The following CXCL17 variants were observed in gnomAD, a reference collection of about 807,000 sequenced individuals.
The protein encoded by CXCL17 is C-X-C motif chemokine 17.
CXCL17 carries 9 observed loss-of-function variants against 15.5 expected under a neutral mutation model. That is an observed-to-expected ratio of 0.58 (90% CI 0.35 to 1.01). CXCL17 has a LOEUF of 1.01. Ranked by LOEUF, CXCL17 falls within the 50% of genes least tolerant of loss-of-function variation. CXCL17 has a pLI of 0.02. For missense variants in CXCL17, 133 were observed against 138.2 expected (o/e 0.96, Z 0.19); for synonymous variants, 52 against 52.3 (o/e 0.99, Z 0.02).
At position 42,438,406 on chromosome 19, in the gene CXCL17, A is replaced by ACAC. The variant is rs1491327567; in HGVS notation, c.79+4347_79+4348insGTG. Reference sequence around the variant, plus strand: ...AATATATATATATATATATATATATAAAATACACACACACACACACACACA... The same window carrying ACAC: ...AATATATATATATATATATATATATACACAAATACACACACACACACACACACA... On this transcript the variant is annotated intron_variant, in intron 1 of 3. Coordinates refer to ENST00000601181, the MANE Select transcript of CXCL17 (RefSeq NM_198477.3). Among the ~76,000 whole-genome samples, 228 of 107,090 alleles carry ACAC rather than the reference A, an allele frequency of 2.1e-3. 3 individuals carry two copies. Among genetic ancestry groups the ACAC allele is most frequent in the African/African-American group, 0.01 (223 of 21,488 alleles). 70.3% of individuals were successfully genotyped at this position (107,090 alleles called of 152,430 possible).
chr19:42,437,198 A>G (rs1419197770), intron 1 of CXCL17, among the ~76,000 whole-genome samples: 2 of 152,138 alleles, frequency 1.3e-5, no homozygotes, highest in Non-Finnish European at 2.9e-5. Flanking sequence ...CGGCCTCCCA[A>G]AGCGTTGGGA....
rs778184132 is a variant in CXCL17 at position 42,442,722 on chromosome 19, C to T, written c.79+32G>A. 3.8e-5 allele frequency: 59 copies of T among 1,535,206 alleles called. No individual in the cohort carries two copies. In the South Asian group the frequency reaches 5.9e-4, roughly 15 times the overall value. On this transcript the variant is annotated intron_variant, in intron 1 of 3. Coordinates refer to ENST00000601181, the MANE Select transcript of CXCL17 (RefSeq NM_198477.3). Reference sequence around the variant, plus strand: ...GGCCTGTTTTGCCACATTTCTCCCCCCGTTTTCCCCTTCATAGACAGTCTT... The same window carrying T: ...GGCCTGTTTTGCCACATTTCTCCCCTCGTTTTCCCCTTCATAGACAGTCTT...
intron 3 of CXCL17, among the ~76,000 whole-genome samples, chr19:42,431,261 G>T (rs769623620): frequency 6.6e-6 from 1 of 152,294 alleles, no homozygotes; most frequent in Admixed American, 6.5e-5. Context: ...TTGCCCGTTT[G>T]TCTGTTGTAT....
chr19:42,438,381 A>AATATATATATATATATAT (rs1201763586), intron 1 of CXCL17, among the ~76,000 whole-genome samples: 16 of 63,836 alleles, frequency 2.5e-4, no homozygotes, highest in African/African-American at 1.1e-3. Context: ...AAAAAAAAAA[A>AATATATATATATATATAT]ATATATATAT....
chr19:42,437,583 T>C (rs940381748), intron 1 of CXCL17, among the ~76,000 whole-genome samples: 5 of 152,156 alleles, frequency 3.3e-5, no homozygotes, highest in African/African-American at 1.2e-4. Context: ...TGCAGAGTTG[T>C]TGGGAATAAG....
chr19:42,441,896 A>G (rs1277308592), intron 1 of CXCL17, among the ~76,000 whole-genome samples: 1 of 152,200 alleles, frequency 6.6e-6, no homozygotes, highest in African/African-American at 2.4e-5. Context: ...CTTGCTATGG[A>G]TAAAGCTTCA....
At chr19:42,441,130 G>C (rs1479390486) in intron 1 of CXCL17, among the ~76,000 whole-genome samples, 1 of 152,218 alleles carries the variant, frequency 6.6e-6, no homozygotes, top group Non-Finnish European at 1.5e-5. Flanking sequence ...GATAGCGTGA[G>C]GGATATGGAA....
chr19:42,433,390 A>C (rs754982324), intron 2 of CXCL17, among the ~76,000 whole-genome samples: 2 of 152,112 alleles, frequency 1.3e-5, no homozygotes, highest in African/African-American at 2.4e-5. Context: ...TTCAGTGGCT[A>C]CTTTCCCTTG....
chr19:42,438,565 A>C (rs759079866), intron 1 of CXCL17, among the ~76,000 whole-genome samples: 1 of 151,382 alleles, frequency 6.6e-6, no homozygotes. Context: ...ACTACTGTAC[A>C]TGAGTGTGCG....
chr19:42,433,082 A>G lies in CXCL17; in HGVS notation c.161-5T>C, dbSNP rs1475194197. On this transcript the variant is annotated splice_polypyrimidine_tract_variant and splice_region_variant and intron_variant, in intron 2 of 3. Transcript: ENST00000601181. ...TCGGGGCTCTCAGGAACCAATCTGG[A>G]ACAACAGCATTGCTGCTTAGATGGG... 7 of 1,604,974 alleles carry G rather than the reference A, an allele frequency of 4.4e-6. No individual in the cohort carries two copies. Among genetic ancestry groups the G allele is most frequent in the African/African-American group, 1.3e-5 (1 of 74,692 alleles).
intron 2 of CXCL17, among the ~76,000 whole-genome samples, chr19:42,433,299 A>G: frequency 6.6e-6 from 1 of 152,114 alleles, no homozygotes; most frequent in Non-Finnish European, 1.5e-5. Context: ...GGGTTTGGGC[A>G]AGGGTTTGGT....
intron 3 of CXCL17, among the ~76,000 whole-genome samples, chr19:42,432,728 C>T (rs1313076184): frequency 6.6e-6 from 1 of 152,180 alleles, no homozygotes; most frequent in Non-Finnish European, 1.5e-5. Flanking sequence ...CCCATCTACC[C>T]CCACTTTGGT....
chr19:42,437,099 G>A (rs2040841803), intron 1 of CXCL17, among the ~76,000 whole-genome samples: 1 of 151,974 alleles, frequency 6.6e-6, no homozygotes, highest in African/African-American at 2.4e-5. Flanking sequence ...CACCATGCCT[G>A]GCTAATTTTT....
At chr19:42,429,431 C>T (rs1376688386) in intron 3 of CXCL17, among the ~76,000 whole-genome samples, 5 of 151,642 alleles carry the variant, frequency 3.3e-5, no homozygotes, top group African/African-American at 1.2e-4. Context: ...CAGATTCAAG[C>T]GATTCTCCTG....
intron 1 of CXCL17, among the ~76,000 whole-genome samples, chr19:42,442,018 C>T (rs533163099): frequency 6.6e-6 from 1 of 152,262 alleles, no homozygotes; most frequent in South Asian, 2.1e-4. Flanking sequence ...GAAGCAAGGA[C>T]TTCCTGATCT....
At chr19:42,433,877 A>G (rs199959311) in intron 1 of CXCL17, 21 bp from the exon 2 acceptor site, 3 of 1,587,822 alleles carry the variant, frequency 1.9e-6, no homozygotes, top group East Asian at 4.5e-5. Flanking sequence ...GAAACAGGTC[A>G]CATCCAGACA....
At chr19:42,433,591 G>A (rs2040804747) in intron 2 of CXCL17, among the ~76,000 whole-genome samples, 185 bp downstream of exon 2, 1 of 152,208 alleles carries the variant, frequency 6.6e-6, no homozygotes, top group Non-Finnish European at 1.5e-5. Flanking sequence ...CTAGACCTTG[G>A]AGAAGTCCAG....
chr19:42,440,167 TAG>T (rs1416721173), intron 1 of CXCL17, among the ~76,000 whole-genome samples: 7 of 152,060 alleles, frequency 4.6e-5, no homozygotes, highest in African/African-American at 7.2e-5. Flanking sequence ...GCTTGTGATA[TAG>T]GAGTTCTTAA....
intron 1 of CXCL17, among the ~76,000 whole-genome samples, chr19:42,434,856 A>G (rs1338722924): frequency 6.6e-6 from 1 of 151,934 alleles, no homozygotes; most frequent in Non-Finnish European, 1.5e-5. Flanking sequence ...TTCCGATTCT[A>G]TCTTATCTCC....
Sources: allele counts gnomAD v4.1 joint callset (sites outside exome capture counted in the v4.1 genomes callset), GRCh38; gene constraint gnomAD v4.1.1; transcripts MANE v1.5; gene names NCBI Gene and HGNC (gene_info 2026-07-23, HGNC 2026-07-21).